VTI1A: variants seen among roughly 807,000 people sequenced by gnomAD.
VTI1A encodes the protein vesicle transport through interaction with t-SNAREs 1A.
VTI1A carries 22 observed loss-of-function variants against 34.9 expected under a neutral mutation model. The ratio of observed to expected loss-of-function variants is 0.63; its 90% CI spans 0.45 to 0.90. The LOEUF is 0.90. Among genes scored for constraint, VTI1A ranks in the 40% least tolerant of loss-of-function variants. The pLI is 0.00. For missense variants in VTI1A, 268 were observed against 275.6 expected (o/e 0.97, Z 0.20); for synonymous variants, 87 against 97.3 (o/e 0.89, Z 0.62).
chr10:112,692,673 G>A (rs1233732249), intron 7 of VTI1A, among the ~76,000 whole-genome samples: 1 of 152,084 alleles, frequency 6.6e-6, no homozygotes, highest in East Asian at 1.9e-4. Flanking sequence ...ACAGAGTATT[G>A]CCCATGGTTT....
At chr10:112,519,904 C>A (rs1419920539) in intron 3 of VTI1A, among the ~76,000 whole-genome samples, 1 of 151,982 alleles carries the variant, frequency 6.6e-6, no homozygotes, top group Non-Finnish European at 1.5e-5. Context: ...GACCCCTTTT[C>A]CTTCCCAATG....
intron 5 of VTI1A, among the ~76,000 whole-genome samples, chr10:112,588,130 A>G (rs1489193284): frequency 2.0e-5 from 3 of 152,174 alleles, no homozygotes; most frequent in Admixed American, 6.5e-5. Context: ...CTTAGCTTCA[A>G]TTGTGTGTTC....
intron 3 of VTI1A, among the ~76,000 whole-genome samples, chr10:112,493,839 C>T (rs1260723772): frequency 6.6e-6 from 1 of 152,096 alleles, no homozygotes; most frequent in East Asian, 1.9e-4. Flanking sequence ...GTATAACCCT[C>T]CTTATATGTT....
chr10:112,630,583 G>A (rs1475189330), intron 5 of VTI1A, among the ~76,000 whole-genome samples: 2 of 152,174 alleles, frequency 1.3e-5, no homozygotes, highest in Non-Finnish European at 2.9e-5. Context: ...TAACTGTATA[G>A]TATTAAGTGG....
chr10:112,573,669 C>T (rs1589921971), intron 5 of VTI1A, among the ~76,000 whole-genome samples: 3 of 152,304 alleles, frequency 2.0e-5, no homozygotes, highest in Admixed American at 2.0e-4. Flanking sequence ...CACACTTCCT[C>T]CTATTTCTTC....
chr10:112,828,419 A>G, the VTI1A span, among the ~76,000 whole-genome samples: 10 of 151,794 alleles, frequency 6.6e-5, no homozygotes, highest in Non-Finnish European at 1.5e-4. Context: ...TATTATTATT[A>G]TTTTGAGATG....
chr10:112,596,664 C>A (rs895289411), intron 5 of VTI1A, among the ~76,000 whole-genome samples: 4 of 152,104 alleles, frequency 2.6e-5, no homozygotes, highest in Non-Finnish European at 5.9e-5. Context: ...TTTTCCTTTC[C>A]CTAAACCTTC....
At chr10:112,793,463 A>G (rs75694960) in intron 7 of VTI1A, among the ~76,000 whole-genome samples, 3,002 of 152,272 alleles carry the variant, frequency 0.02, 42 homozygotes, top group Middle Eastern at 0.062. Context: ...TACATTGGGT[A>G]ATGTTTTACT....
At chr10:112,757,671 T>TCA (rs559384400) in intron 7 of VTI1A, among the ~76,000 whole-genome samples, 102 of 152,160 alleles carry the variant, frequency 6.7e-4, no homozygotes, top group African/African-American at 2.4e-3. Context: ...CAGGCGTGAG[T>TCA]CACTGCGCCT....
intron 7 of VTI1A, among the ~76,000 whole-genome samples, chr10:112,802,050 C>A (rs902832224): frequency 1.3e-5 from 2 of 152,120 alleles, no homozygotes; most frequent in Non-Finnish European, 2.9e-5. Context: ...GAATTTGAGA[C>A]CAGCCTGGGT....
At chr10:112,746,460 A>C (rs1018731003) in intron 7 of VTI1A, among the ~76,000 whole-genome samples, 1 of 152,216 alleles carries the variant, frequency 6.6e-6, no homozygotes, top group Non-Finnish European at 1.5e-5. Context: ...TGGTGTGTGC[A>C]GCCCACCGCT....
intron 7 of VTI1A, among the ~76,000 whole-genome samples, chr10:112,738,475 A>C (rs1366980262): frequency 6.6e-6 from 1 of 152,148 alleles, no homozygotes; most frequent in Admixed American, 6.5e-5. Context: ...CTTTATATCT[A>C]GGATTCAGCA....
chr10:112,572,077 G>A (rs1202344699), intron 5 of VTI1A, among the ~76,000 whole-genome samples: 1 of 152,134 alleles, frequency 6.6e-6, no homozygotes, highest in Admixed American at 6.5e-5. Flanking sequence ...TCAAACCTTG[G>A]CATCACACCA....
chr10:112,621,874 C>A (rs879451768), intron 5 of VTI1A, among the ~76,000 whole-genome samples: 1 of 152,188 alleles, frequency 6.6e-6, no homozygotes, highest in East Asian at 1.9e-4. Context: ...CCACGCTATA[C>A]GCTCCTTATA....
At chr10:112,592,069 C>T (rs1285897228) in intron 5 of VTI1A, among the ~76,000 whole-genome samples, 2 of 152,140 alleles carry the variant, frequency 1.3e-5, no homozygotes, top group South Asian at 2.1e-4. Context: ...CAAGAGAGTT[C>T]GCTGGCTGAC....
At chr10:112,661,770 T>G (rs1225977144) in intron 5 of VTI1A, among the ~76,000 whole-genome samples, 16 of 147,262 alleles carry the variant, frequency 1.1e-4, no homozygotes, top group African/African-American at 4.0e-4. Context: ...TTAAGTTTTT[T>G]TTTTTTTTTT....
chr10:112,732,616 T>C (rs1850305371), intron 7 of VTI1A, among the ~76,000 whole-genome samples: 2 of 152,162 alleles, frequency 1.3e-5, no homozygotes, highest in African/African-American at 4.8e-5. Context: ...TTCCACTCCT[T>C]GTTTCATGAC....
chr10:112,741,638 G>T (rs1453941733), intron 7 of VTI1A, among the ~76,000 whole-genome samples: 1 of 152,078 alleles, frequency 6.6e-6, no homozygotes, highest in African/African-American at 2.4e-5. Context: ...GAAGATGAAT[G>T]AAGATATTTT....
At chr10:112,630,857 C>T (rs771305123) in intron 5 of VTI1A, among the ~76,000 whole-genome samples, 2 of 152,140 alleles carry the variant, frequency 1.3e-5, no homozygotes, top group Non-Finnish European at 2.9e-5. Flanking sequence ...TGCGGTGGCT[C>T]ATGCCTGTAA....
Sources: allele counts gnomAD v4.1 joint callset (sites outside exome capture counted in the v4.1 genomes callset), GRCh38; gene constraint gnomAD v4.1.1; transcripts MANE v1.5; gene names NCBI Gene and HGNC (gene_info 2026-07-23, HGNC 2026-07-21).